KCND2: variants seen among roughly 807,000 people sequenced by gnomAD.
The protein encoded by KCND2 is A-type voltage-gated potassium channel KCND2.
In KCND2, 16 loss-of-function variants were observed where a neutral mutation model predicts 54.4. The observed-to-expected ratio is 0.29, with a 90% CI of 0.20 to 0.45. The LOEUF is 0.45. Among genes scored for constraint, KCND2 ranks in the 20% least tolerant of loss-of-function variants. The pLI is 1.00. For synonymous variants in KCND2, 317 were observed against 310.7 expected, an observed-to-expected ratio of 1.02 and a Z score of -0.21; for missense variants, 486 against 824.2, an observed-to-expected ratio of 0.59 and a Z score of 5.02.
intron 1 of KCND2, among the ~76,000 whole-genome samples, chr7:120,542,599 AT>A (rs879804211): frequency 6.6e-6 from 1 of 152,172 alleles, no homozygotes; most frequent in Non-Finnish European, 1.5e-5. Context: ...TATATAGTTC[AT>A]GTCAACCTGA....
intron 1 of KCND2, among the ~76,000 whole-genome samples, chr7:120,300,784 A>G (rs1375076242): frequency 6.6e-6 from 1 of 152,102 alleles, no homozygotes; most frequent in Non-Finnish European, 1.5e-5. Context: ...CTTTGCCCTA[A>G]GACACACTAG....
At chr7:120,316,015 A>G (rs931858117) in intron 1 of KCND2, among the ~76,000 whole-genome samples, 2 of 152,174 alleles carry the variant, frequency 1.3e-5, no homozygotes, top group African/African-American at 4.8e-5. Flanking sequence ...AAATTCATAC[A>G]TACCTTAAAC....
chr7:120,700,460 G>A (rs536894028), intron 1 of KCND2, among the ~76,000 whole-genome samples: 38 of 152,254 alleles, frequency 2.5e-4, no homozygotes, highest in African/African-American at 5.5e-4. Flanking sequence ...ATTTGTGGAC[G>A]TCACATAAGG....
chr7:120,511,003 A>ATC lies in KCND2; in HGVS notation c.1116-221879_1116-221878dup, dbSNP rs562798465. Among the ~76,000 whole-genome samples, 1,222 of 127,522 alleles carry ATC rather than the reference A, an allele frequency of 9.6e-3. 9 individuals carry two copies. The highest frequency in any genetic ancestry group is 0.032 in the East Asian group (152 of 4,690). 83.7% of individuals were successfully genotyped at this position (127,522 alleles called of 152,430 possible). A position where few individuals can be genotyped will look rare whatever the true frequency, so the allele number is the denominator to read the frequency against. On this transcript the variant is annotated intron_variant, in intron 1 of 5. Coordinates refer to ENST00000331113, the MANE Select transcript of KCND2 (RefSeq NM_012281.3). ...CTCCCATGACTTGACACCTTTCCCC[A>ATC]TCTCTCTCTCTCTCTCTCTCTCACA...
intron 1 of KCND2, among the ~76,000 whole-genome samples, chr7:120,368,291 A>G (rs1268053646): frequency 6.6e-6 from 1 of 152,080 alleles, no homozygotes; most frequent in African/African-American, 2.4e-5. Context: ...AGTTGAGGAT[A>G]AGATGGAGAG....
chr7:120,309,889 A>G (rs1415447638), intron 1 of KCND2, among the ~76,000 whole-genome samples: 1 of 152,128 alleles, frequency 6.6e-6, no homozygotes, highest in Non-Finnish European at 1.5e-5. Flanking sequence ...ATTTCTTTTC[A>G]TGGGCCAAAG....
At chr7:120,620,548 C>A (rs890328057) in intron 1 of KCND2, among the ~76,000 whole-genome samples, 11 of 152,172 alleles carry the variant, frequency 7.2e-5, no homozygotes, top group East Asian at 5.8e-4. Context: ...GGCTAAATTT[C>A]TTGGGGACAC....
intron 1 of KCND2, among the ~76,000 whole-genome samples, chr7:120,692,459 T>C (rs1321306202): frequency 6.6e-6 from 1 of 152,184 alleles, no homozygotes; most frequent in African/African-American, 2.4e-5. Flanking sequence ...CAGAAAATGT[T>C]AAACTACATT....
chr7:120,699,237 G>A (rs112092794), intron 1 of KCND2, among the ~76,000 whole-genome samples: 27,204 of 151,202 alleles, frequency 0.18, 2,765 homozygotes, highest in African/African-American at 0.26. Context: ...AGCCGAGATC[G>A]CGCCACTGCA....
chr7:120,741,158 C>T (rs191635645), intron 2 of KCND2, among the ~76,000 whole-genome samples: 3 of 151,840 alleles, frequency 2.0e-5, no homozygotes, highest in Non-Finnish European at 4.4e-5. Context: ...AGCTGGTTTC[C>T]TGAGCTACCG....
At chr7:120,404,254 C>G (rs1801315927) in intron 1 of KCND2, among the ~76,000 whole-genome samples, 1 of 152,064 alleles carries the variant, frequency 6.6e-6, no homozygotes, top group Admixed American at 6.6e-5. Context: ...TAATAATGAA[C>G]CTTGGGGAAG....
chr7:120,616,440 A>C (rs532913012), intron 1 of KCND2, among the ~76,000 whole-genome samples: 2 of 152,340 alleles, frequency 1.3e-5, no homozygotes, highest in East Asian at 1.9e-4. Context: ...AAGGAATGTC[A>C]TGAAACCATT....
chr7:120,371,779 T>C (rs1006105027), intron 1 of KCND2, among the ~76,000 whole-genome samples: 1 of 151,988 alleles, frequency 6.6e-6, no homozygotes, highest in African/African-American at 2.4e-5. Flanking sequence ...ACATGCTATA[T>C]AGGTTTGTAG....
intron 1 of KCND2, among the ~76,000 whole-genome samples, chr7:120,434,577 T>C (rs1038604648): frequency 2.6e-5 from 4 of 152,228 alleles, no homozygotes; most frequent in African/African-American, 7.2e-5. Flanking sequence ...TCTATACTAA[T>C]TTTCTCTGCT....
intron 1 of KCND2, among the ~76,000 whole-genome samples, chr7:120,672,466 AAC>A (rs1429695943): frequency 6.6e-6 from 1 of 152,064 alleles, no homozygotes; most frequent in Non-Finnish European, 1.5e-5. Flanking sequence ...TGTCTTTTAT[AAC>A]ACAGTTTTCT....
At chr7:120,615,574 C>G (rs2116492941) in intron 1 of KCND2, among the ~76,000 whole-genome samples, 1 of 152,274 alleles carries the variant, frequency 6.6e-6, no homozygotes, top group African/African-American at 2.4e-5. Flanking sequence ...AGGGTGCATC[C>G]TTATTTGATA....
At chr7:120,313,852 C>T (rs1799775062) in intron 1 of KCND2, among the ~76,000 whole-genome samples, 1 of 148,464 alleles carries the variant, frequency 6.7e-6, no homozygotes, top group Non-Finnish European at 1.5e-5. Flanking sequence ...ACAGTTTATA[C>T]ATCCCTGTCC....
intron 1 of KCND2, among the ~76,000 whole-genome samples, chr7:120,287,697 A>G (rs1799367422): frequency 6.6e-6 from 1 of 152,072 alleles, no homozygotes; most frequent in South Asian, 2.1e-4. Flanking sequence ...TACTAAAAAT[A>G]CACAAGCATG....
Position 120,275,022 on chromosome 7 carries a change from C to G in KCND2, c.390C>G (p.Gly130=). The change falls in exon 1 of 6, where the codon GGC becomes GGG. Residue 130 remains glycine, a synonymous_variant. Transcript: ENST00000331113. ...TTGGCCTCATCCCGGAAATCATCGG[C>G]GACTGCTGTTATGAGGAGTACAAGG... ...AFFGLIPEII[G]DCCYEEYKDR... 1 of 1,614,026 alleles carries G rather than the reference C, an allele frequency of 6.2e-7. No individual in the cohort carries two copies. Among genetic ancestry groups the G allele is most frequent in the Non-Finnish European group, 8.5e-7 (1 of 1,180,026 alleles).
Sources: gnomAD v4.1 joint callset for allele counts (sites outside exome capture counted in the v4.1 genomes callset) on GRCh38, gnomAD v4.1.1 for gene constraint, MANE v1.5 for transcripts, NCBI Gene and HGNC (gene_info 2026-07-23, HGNC 2026-07-21) for gene names.